SPAG9: variants seen among roughly 807,000 people sequenced by gnomAD.
SPAG9 encodes the protein sperm associated antigen 9, also known as C-Jun-amino-terminal kinase-interacting protein 4.
A neutral mutation model predicts 166.5 loss-of-function variants in SPAG9; 35 were observed. The observed-to-expected ratio is 0.21, with a 90% CI of 0.16 to 0.28. The LOEUF (loss-of-function observed/expected upper bound fraction) is 0.28, where lower values mean the gene tolerates loss of function less well. SPAG9 is among the 10% of genes least tolerant of loss of function. The pLI, the probability that SPAG9 is intolerant of heterozygous loss-of-function variation, is 1.00. For missense variants in SPAG9, 1,235 were observed against 1,603.3 expected (o/e 0.77, Z 3.92); for synonymous variants, 534 against 565.5 (o/e 0.94, Z 0.79).
In SPAG9 at chr17:51,120,209, C is replaced by T; in HGVS notation, c.303+145G>A. On this transcript the variant is annotated intron_variant, in intron 1 of 29. Coordinates refer to ENST00000262013, the MANE Select transcript of SPAG9 (RefSeq NM_001130528.3). This position sits in a 1 kb window ranked among gnomAD's most constrained non-coding sequence, Gnocchi z 4.7. Reference sequence around the variant, plus strand: ...CCTGGCTCCCGGGGTACCTGGAGGCCGCCGGGATCGGTCCCAGGGGGCATC... The same window carrying T: ...CCTGGCTCCCGGGGTACCTGGAGGCTGCCGGGATCGGTCCCAGGGGGCATC... The T allele has an allele frequency of 3.2e-6, 2 of 632,584 alleles. No homozygotes were observed. Among genetic ancestry groups the T allele is most frequent in the Non-Finnish European group, 4.8e-6 (2 of 415,528 alleles). The allele number at this position is 632,584 out of a possible 1,614,324, so 39.2% of individuals were successfully genotyped here. A position where few individuals can be genotyped will look rare whatever the true frequency, so the allele number is the denominator to read the frequency against.
chr17:50,999,611 A>C, intron 14 of SPAG9, 50 bp downstream of exon 14: 1 of 1,524,328 alleles, frequency 6.6e-7, no homozygotes, highest in Non-Finnish European at 9.0e-7. Context: ...TTTTGACTGT[A>C]ATTTTCTTGT....
rs2143879711 is a variant in SPAG9 at position 50,995,119 on chromosome 17, C to T, written c.2164G>A (p.Glu722Lys). The T allele has an allele frequency of 1.2e-6, 2 of 1,614,132 alleles. No individual in the cohort carries two copies. Among genetic ancestry groups the T allele is most frequent in the Middle Eastern group, 1.6e-4 (1 of 6,062 alleles). ...GAGGCACTTCGCTGTTTACTGCCTTCTGTATCCAAACCAGCAACATCCTTG... is the reference window on the plus strand; with the variant it reads ...GAGGCACTTCGCTGTTTACTGCCTTTTGTATCCAAACCAGCAACATCCTTG... ...FYKDVAGLDT[E>K]GSKQRSASQS... The change falls in exon 18 of 30, where the codon GAA becomes AAA. Residue 722 changes from glutamate (E) to lysine (K), a missense_variant. This residue lies in a region of SPAG9 where 493 missense variants were observed against 559.4 expected (regional missense o/e 0.88). Coordinates refer to ENST00000262013, the MANE Select transcript of SPAG9 (RefSeq NM_001130528.3).
chr17:51,075,989 G>A (rs1479590763), intron 2 of SPAG9, among the ~76,000 whole-genome samples: 2 of 151,988 alleles, frequency 1.3e-5, no homozygotes, highest in African/African-American at 2.4e-5. Flanking sequence ...CAGCTACTAG[G>A]AAGGCTGAGG....
intron 1 of SPAG9, among the ~76,000 whole-genome samples, chr17:51,083,537 TC>T (rs2048225872): frequency 6.9e-6 from 1 of 145,642 alleles, no homozygotes; most frequent in African/African-American, 2.5e-5. Flanking sequence ...ACACACAGCC[TC>T]TTTATTTTAT....
At chr17:51,101,492 G>C (rs2048807308) in intron 1 of SPAG9, among the ~76,000 whole-genome samples, 1 of 152,138 alleles carries the variant, frequency 6.6e-6, no homozygotes, top group South Asian at 2.1e-4. Context: ...AACAAAAAAG[G>C]TATTTGTTTC....
At chr17:51,088,752 C>T (rs1031167061) in intron 1 of SPAG9, among the ~76,000 whole-genome samples, 5 of 150,562 alleles carry the variant, frequency 3.3e-5, no homozygotes, top group African/African-American at 9.8e-5. Flanking sequence ...GAGCCGAGAT[C>T]GTGCCACTGC....
intron 1 of SPAG9, among the ~76,000 whole-genome samples, chr17:51,084,743 G>A (rs909245352): frequency 2.0e-5 from 3 of 152,028 alleles, no homozygotes; most frequent in African/African-American, 7.3e-5. Context: ...CTTGTGTTAC[G>A]GATAAAATGC....
intron 12 of SPAG9, 72 bp from the exon 13 acceptor site, chr17:51,001,917 C>A: frequency 1.4e-6 from 2 of 1,394,216 alleles, no homozygotes; most frequent in South Asian, 2.7e-5. Context: ...CAGAGTTATG[C>A]AAAATCTTTC....
chr17:50,993,249 G>C (rs1975764764), intron 19 of SPAG9, among the ~76,000 whole-genome samples: 1 of 150,500 alleles, frequency 6.6e-6, no homozygotes, highest in Non-Finnish European at 1.5e-5. Flanking sequence ...CTGGAAGGTG[G>C]AGGTTGCAGT....
intron 1 of SPAG9, among the ~76,000 whole-genome samples, chr17:51,114,066 T>A (rs1357566973): frequency 6.7e-6 from 1 of 148,588 alleles, no homozygotes; most frequent in African/African-American, 2.5e-5. Flanking sequence ...TGGCTCACGC[T>A]TGTAATCCCA....
Position 50,964,753 on chromosome 17 carries a change from T to C in SPAG9, c.*1519A>G. 2.2e-6 allele frequency: 1 copy of C among 453,818 alleles called. No homozygotes were observed. Among genetic ancestry groups the C allele is most frequent in the South Asian group, 1.6e-5 (1 of 64,070 alleles). 28.1% of individuals were successfully genotyped at this position (453,818 alleles called of 1,614,324 possible). On this transcript the variant is annotated 3_prime_UTR_variant, in exon 30 of 30. Coordinates refer to ENST00000262013, the MANE Select transcript of SPAG9 (RefSeq NM_001130528.3). ...GAAATCCAGACTTTAATCTATTTTTTGCTTGTTTGTCTGTTTTGAGACAGG... is the reference window on the plus strand; with the variant it reads ...GAAATCCAGACTTTAATCTATTTTTCGCTTGTTTGTCTGTTTTGAGACAGG...
chr17:51,070,610 CCT>C (rs2047796988), intron 2 of SPAG9, among the ~76,000 whole-genome samples: 2 of 151,856 alleles, frequency 1.3e-5, no homozygotes, highest in South Asian at 4.2e-4. Context: ...TTTATTTTAC[CCT>C]GATTCACCTC....
In SPAG9 at chr17:51,054,311, C is replaced by T. The variant is rs148579346; in HGVS notation, c.495+2101G>A. ...TTGTATATATTTTTTTTGGTAGAGT[C>T]GGGGTTTCACCATGTTGCCCAGGCT... On this transcript the variant is annotated intron_variant, in intron 3 of 29. Coordinates refer to ENST00000262013, the MANE Select transcript of SPAG9 (RefSeq NM_001130528.3). 8.9e-3 allele frequency among the ~76,000 whole-genome samples: 1,339 copies of T among 151,262 alleles called. 16 individuals carry two copies. Among genetic ancestry groups the T allele is most frequent in the African/African-American group, 0.031 (1,298 of 41,284 alleles).
chr17:51,056,682 T>G (rs1321915005), intron 2 of SPAG9, among the ~76,000 whole-genome samples, 200 bp from the exon 3 acceptor site: 4 of 152,182 alleles, frequency 2.6e-5, no homozygotes, highest in Non-Finnish European at 4.4e-5. Context: ...ATACCTTAGA[T>G]TGGTTCTCTA....
chr17:51,037,641 A>G (rs2046641829), intron 5 of SPAG9, among the ~76,000 whole-genome samples: 1 of 139,976 alleles, frequency 7.1e-6, no homozygotes, highest in African/African-American at 2.6e-5. Flanking sequence ...ATATATATAA[A>G]TAAAATAAGT....
intron 1 of SPAG9, among the ~76,000 whole-genome samples, chr17:51,088,715 A>G (rs1341198983): frequency 6.6e-6 from 1 of 150,642 alleles, no homozygotes; most frequent in Non-Finnish European, 1.5e-5. Context: ...GGAGAATGGC[A>G]TGAACTTGGT....
rs561325182 is a variant in SPAG9, at chr17:51,034,679, A to C, written c.742-2957T>G. On this transcript the variant is annotated intron_variant, in intron 5 of 29. Transcript: ENST00000262013. ...AAGAATTCCAATTAATAAATGTAGA[A>C]TGAAGAAAATAGAAAATAACTATTA... Among the ~76,000 whole-genome samples, 15 of 152,340 alleles carry C rather than the reference A, an allele frequency of 9.8e-5. No individual in the cohort carries two copies. In the South Asian group the frequency reaches 2.7e-3, roughly 27 times the overall value.
At chr17:50,973,371 A>AT (rs916140366) in intron 28 of SPAG9, among the ~76,000 whole-genome samples, 9 of 151,492 alleles carry the variant, frequency 5.9e-5, no homozygotes, top group Non-Finnish European at 1.0e-4. Flanking sequence ...GTGATATTTC[A>AT]TTTTTTTTTA....
At position 51,020,165 on chromosome 17, in the gene SPAG9, C is replaced by T. The variant is rs1240294995; in HGVS notation, c.1085G>A (p.Gly362Asp). Residue 362 changes from glycine (G) to aspartate (D), a missense_variant, in exon 8 of 30, where the codon GGT (glycine) becomes GAT (aspartate). Around this residue, in one of 6 missense-constraint regions of SPAG9, gnomAD observed 288 missense variants for 323.7 expected, o/e 0.89. Coordinates refer to ENST00000262013, the MANE Select transcript of SPAG9 (RefSeq NM_001130528.3). Reference protein sequence around the residue: ...DMDKDLSGYKGSSTPTKGIEN... With the variant: ...DMDKDLSGYKDSSTPTKGIEN... ...CATCTAACATTTATGTTACCTTGAA[C>T]CTTTATATCCACTGAGATCTTTGTC... is the stretch of plus-strand genomic sequence containing the variant. The T allele has an allele frequency of 1.9e-6, 3 of 1,602,040 alleles. No individual in the cohort carries two copies. The Admixed American group carries it at 5.0e-5, about 27-fold the overall frequency.
Sources: allele counts gnomAD v4.1 joint callset (sites outside exome capture counted in the v4.1 genomes callset), GRCh38; gene constraint gnomAD v4.1.1; regional missense constraint gnomAD v4.1.1; non-coding constraint Gnocchi (gnomAD v3.1); transcripts MANE v1.5; gene names NCBI Gene and HGNC (gene_info 2026-07-23, HGNC 2026-07-21).